The following KAT6B variants were observed in gnomAD, a reference collection of about 807,000 sequenced individuals.
KAT6B encodes histone acetyltransferase KAT6B.
Under a neutral mutation model 187.5 loss-of-function variants are expected in KAT6B, and 10 were observed. The ratio of observed to expected loss-of-function variants is 0.05; its 90% confidence interval spans 0.03 to 0.09. The LOEUF is 0.09. Ranked by LOEUF, KAT6B falls within the 10% of genes least tolerant of loss-of-function variation. The pLI is 1.00. For synonymous variants in KAT6B, 861 were observed against 926.8 expected (o/e 0.93, Z 1.29); for missense variants, 1,952 against 2,558.9 (o/e 0.76, Z 5.12).
intron 13 of KAT6B, among the ~76,000 whole-genome samples, chr10:74,991,376 A>T (rs1843116996): frequency 6.6e-6 from 1 of 152,244 alleles, no homozygotes; most frequent in South Asian, 2.1e-4. Flanking sequence ...CTCTAAATTC[A>T]GTAGTATCTT....
At chr10:75,014,243 G>C (rs1170472473) in intron 13 of KAT6B, among the ~76,000 whole-genome samples, 3 of 152,286 alleles carry the variant, frequency 2.0e-5, no homozygotes, top group Non-Finnish European at 4.4e-5. Flanking sequence ...GGGAGGCTGA[G>C]GTGGGAGGAT....
chr10:74,951,929 C>G (rs997722606), intron 3 of KAT6B, among the ~76,000 whole-genome samples: 1 of 152,224 alleles, frequency 6.6e-6, no homozygotes, highest in Non-Finnish European at 1.5e-5. Flanking sequence ...AATAGATACA[C>G]TTTTGAAGCT....
chr10:74,971,913 T>C (rs558061436), intron 6 of KAT6B, among the ~76,000 whole-genome samples: 2 of 152,168 alleles, frequency 1.3e-5, no homozygotes, highest in Non-Finnish European at 2.9e-5. Context: ...CTCCACTGAT[T>C]TAAAATATGA....
intron 13 of KAT6B, among the ~76,000 whole-genome samples, chr10:75,016,684 C>G (rs2134112187): frequency 6.6e-6 from 1 of 152,280 alleles, no homozygotes; most frequent in East Asian, 1.9e-4. Flanking sequence ...CTCCAAACAT[C>G]ACTTTGTTTT....
chr10:74,863,293 G>T (rs1224519936), intron 3 of KAT6B, among the ~76,000 whole-genome samples: 1 of 152,086 alleles, frequency 6.6e-6, no homozygotes, highest in Non-Finnish European at 1.5e-5. Context: ...TTTAAAATCT[G>T]TTGTGAGCCT....
At chr10:74,880,458 A>AT (rs1844764768) in intron 3 of KAT6B, among the ~76,000 whole-genome samples, 1 of 152,184 alleles carries the variant, frequency 6.6e-6, no homozygotes, top group Non-Finnish European at 1.5e-5. Context: ...GATATACCAC[A>AT]TTTTATTTCA....
chr10:74,882,691 G>T (rs1327161997), intron 3 of KAT6B, among the ~76,000 whole-genome samples: 1 of 152,192 alleles, frequency 6.6e-6, no homozygotes, highest in African/African-American at 2.4e-5. Flanking sequence ...TAAACATTTT[G>T]TGAGATTGCT....
intron 3 of KAT6B, among the ~76,000 whole-genome samples, chr10:74,914,604 A>C (rs2132967765): frequency 6.6e-6 from 1 of 152,346 alleles, no homozygotes; most frequent in Non-Finnish European, 1.5e-5. Flanking sequence ...AACTGGCTCA[A>C]GAAATTAGGA....
chr10:74,945,164 C>A (rs918304946), intron 3 of KAT6B, among the ~76,000 whole-genome samples: 1 of 152,176 alleles, frequency 6.6e-6, no homozygotes, highest in Non-Finnish European at 1.5e-5. Context: ...TAGATATATT[C>A]ATAAAATGAG....
chr10:74,830,877 T>A (rs1199308917), intron 1 of KAT6B, among the ~76,000 whole-genome samples: 4 of 142,604 alleles, frequency 2.8e-5, no homozygotes, highest in African/African-American at 1.0e-4. Flanking sequence ...AACCTCTGCT[T>A]CCTGGGTTCA....
intron 14 of KAT6B, 127 bp downstream of exon 14, chr10:75,020,940 C>G: frequency 1.0e-6 from 1 of 987,090 alleles, no homozygotes; most frequent in African/African-American, 1.6e-5. Flanking sequence ...AACCTTTTCT[C>G]CTAAAAATAA....
At chr10:74,926,968 A>G (rs1045802209) in intron 3 of KAT6B, among the ~76,000 whole-genome samples, 9 of 152,180 alleles carry the variant, frequency 5.9e-5, no homozygotes, top group African/African-American at 1.4e-4. Context: ...ATAATGATGT[A>G]AGAGTTAAGC....
intron 3 of KAT6B, among the ~76,000 whole-genome samples, chr10:74,923,978 G>A (rs557500761): frequency 2.2e-4 from 34 of 152,322 alleles, no homozygotes; most frequent in Admixed American, 1.8e-3. Flanking sequence ...AGTGTGAGAA[G>A]AGGACAGATT....
chr10:74,844,355 T>A (rs1841956171), intron 3 of KAT6B, among the ~76,000 whole-genome samples: 2 of 152,176 alleles, frequency 1.3e-5, no homozygotes, highest in South Asian at 2.1e-4. Context: ...CATGCCACCA[T>A]GCCCAGCTAA....
intron 3 of KAT6B, among the ~76,000 whole-genome samples, chr10:74,894,426 C>A (rs1233387435): frequency 2.0e-5 from 3 of 152,162 alleles, no homozygotes; most frequent in Non-Finnish European, 4.4e-5. Flanking sequence ...TTTAAAAAAA[C>A]CACATAACAT....
rs777180869 is a variant in KAT6B, at chr10:75,022,217, G to A, written c.3358G>A (p.Ala1120Thr). 1.2e-6 allele frequency: 2 copies of A among 1,613,158 alleles called. No homozygotes were observed. The highest frequency in any genetic ancestry group is 8.5e-7 in the Non-Finnish European group (1 of 1,180,018). The change falls in exon 16 of 18, where the codon GCC (alanine) becomes ACC (threonine). Residue 1120 changes from alanine to threonine, a missense_variant. Transcript: ENST00000287239. ...PPRLTKPQSV[A>T]IKRKRPFVLK... is the part of the protein sequence containing the mutation. ...AAGATTGACGAAACCACAGTCAGTT[G>A]CCATAAAGAGAAAGGTAGGTGTCTG...
At chr10:74,933,289 G>C (rs1849011973) in intron 3 of KAT6B, among the ~76,000 whole-genome samples, 1 of 152,210 alleles carries the variant, frequency 6.6e-6, no homozygotes, top group African/African-American at 2.4e-5. Flanking sequence ...CTCATGAGTA[G>C]AGACTACCAG....
chr10:74,858,283 AT>A (rs755754008), intron 3 of KAT6B, among the ~76,000 whole-genome samples: 469 of 135,098 alleles, frequency 3.5e-3, no homozygotes, highest in Admixed American at 4.3e-3. Context: ...TGGATGGGCA[AT>A]TTTTTTTTTT....
intron 3 of KAT6B, among the ~76,000 whole-genome samples, chr10:74,954,818 C>T (rs1227376813): frequency 3.9e-5 from 6 of 152,162 alleles, no homozygotes; most frequent in Non-Finnish European, 8.8e-5. Flanking sequence ...CACTTGGTCT[C>T]CTGTTTAATT....
Sources: gnomAD v4.1 joint callset for allele counts (sites outside exome capture counted in the v4.1 genomes callset) on GRCh38, gnomAD v4.1.1 for gene constraint, MANE v1.5 for transcripts, NCBI Gene and HGNC (gene_info 2026-07-23, HGNC 2026-07-21) for gene names.